RAB38: variants seen among roughly 807,000 people sequenced by gnomAD.
RAB38 encodes the protein RAB38, member RAS oncogene family.
A neutral mutation model predicts 18.4 loss-of-function variants in RAB38; 15 were observed. The ratio of observed to expected loss-of-function variants is 0.82; its 90% CI spans 0.55 to 1.26. The LOEUF (loss-of-function observed/expected upper bound fraction) is 1.26. RAB38 is among the 50% of genes most tolerant of loss of function. The probability of loss-of-function intolerance (pLI) is 0.00; values close to 1 mark genes in which losing one functional copy is unlikely to be tolerated. For synonymous variants in RAB38, 101 were observed against 104.4 expected, an observed-to-expected ratio of 0.97 and a Z score of 0.20; for missense variants, 294 against 267.4, an observed-to-expected ratio of 1.10 and a Z score of -0.69.
chr11:87,918,526 A>G, the RAB38 span, among the ~76,000 whole-genome samples: 1 of 152,054 alleles, frequency 6.6e-6, no homozygotes, highest in Non-Finnish European at 1.5e-5. Context: ...TTTTCTCCAT[A>G]TCTTTGCCAA....
At chr11:87,855,430 A>G in the RAB38 span, among the ~76,000 whole-genome samples, 1 of 152,192 alleles carries the variant, frequency 6.6e-6, no homozygotes, top group Non-Finnish European at 1.5e-5. Context: ...ATATCAACTC[A>G]GAACAGTGGC....
the RAB38 span, among the ~76,000 whole-genome samples, chr11:87,973,100 A>C: frequency 3.3e-5 from 5 of 152,016 alleles, no homozygotes; most frequent in African/African-American, 4.8e-5. Context: ...TGATCCAATT[A>C]AACTTCTTTT....
chr11:87,946,666 T>C, the RAB38 span, among the ~76,000 whole-genome samples: 14 of 152,284 alleles, frequency 9.2e-5, no homozygotes, highest in African/African-American at 3.1e-4. Context: ...TTGCAATAGT[T>C]TGCTGAGAAT....
At chr11:87,857,135 T>G in the RAB38 span, among the ~76,000 whole-genome samples, 1 of 152,150 alleles carries the variant, frequency 6.6e-6, no homozygotes, top group Non-Finnish European at 1.5e-5. Flanking sequence ...GTCCTTGTGA[T>G]AGTTTGCTGA....
the RAB38 span, among the ~76,000 whole-genome samples, chr11:87,924,871 G>C: frequency 6.6e-6 from 1 of 151,970 alleles, no homozygotes; most frequent in Non-Finnish European, 1.5e-5. Context: ...ATACAAATGT[G>C]TGTTGTGTGT....
the RAB38 span, among the ~76,000 whole-genome samples, chr11:87,945,003 G>A: frequency 6.6e-6 from 1 of 151,994 alleles, no homozygotes; most frequent in African/African-American, 2.4e-5. Context: ...TCTTCTTTTG[G>A]AGCAATGGAT....
chr11:88,015,258 C>T, the RAB38 span, among the ~76,000 whole-genome samples: 2 of 152,238 alleles, frequency 1.3e-5, no homozygotes, highest in South Asian at 2.1e-4. Context: ...GGTTCTCAAA[C>T]GTGCTGAGTA....
At chr11:88,065,133 T>G in the RAB38 span, among the ~76,000 whole-genome samples, 2 of 152,198 alleles carry the variant, frequency 1.3e-5, no homozygotes, top group East Asian at 3.8e-4. Flanking sequence ...GATCCAAATA[T>G]GAAGGGAAAG....
the RAB38 span, among the ~76,000 whole-genome samples, chr11:88,040,382 C>T: frequency 2.6e-5 from 4 of 152,106 alleles, no homozygotes; most frequent in African/African-American, 9.7e-5. Context: ...TTATGGTTCA[C>T]TCTACTGACC....
the RAB38 span, among the ~76,000 whole-genome samples, chr11:88,071,382 A>C: frequency 6.6e-6 from 1 of 152,106 alleles, no homozygotes; most frequent in African/African-American, 2.4e-5. Flanking sequence ...GCCCAGCAAG[A>C]TCTACTGTTT....
At chr11:87,832,409 G>GA in the RAB38 span, among the ~76,000 whole-genome samples, 3 of 152,116 alleles carry the variant, frequency 2.0e-5, no homozygotes, top group African/African-American at 7.2e-5. Context: ...CTGTGCTCCT[G>GA]GTTTCACAAG....
At chr11:88,061,032 A>C in the RAB38 span, among the ~76,000 whole-genome samples, 1 of 152,218 alleles carries the variant, frequency 6.6e-6, no homozygotes, top group African/African-American at 2.4e-5. Flanking sequence ...TGAGGAAATT[A>C]TTAATGAACT....
intron 2 of RAB38, among the ~76,000 whole-genome samples, chr11:88,114,648 A>G (rs1403836042): frequency 6.6e-6 from 1 of 152,206 alleles, no homozygotes; most frequent in African/African-American, 2.4e-5. Context: ...CTTTGAACTT[A>G]GCCATGGACA....
the RAB38 span, among the ~76,000 whole-genome samples, chr11:88,094,875 T>A: frequency 6.6e-6 from 1 of 151,954 alleles, no homozygotes; most frequent in Non-Finnish European, 1.5e-5. Context: ...ATTTCACACC[T>A]TTTCATTTAT....
chr11:88,143,222 CT>C (rs1175524511), intron 2 of RAB38, among the ~76,000 whole-genome samples: 1 of 152,156 alleles, frequency 6.6e-6, no homozygotes, highest in Non-Finnish European at 1.5e-5. Context: ...AGTAACAGTA[CT>C]TACTGTATAA....
the RAB38 span, among the ~76,000 whole-genome samples, chr11:87,840,029 A>C: frequency 6.6e-6 from 1 of 152,208 alleles, no homozygotes; most frequent in East Asian, 1.9e-4. Context: ...ATGTAATGTC[A>C]TTAGTGAAAC....
At chr11:88,045,341 T>C in the RAB38 span, among the ~76,000 whole-genome samples, 1 of 152,216 alleles carries the variant, frequency 6.6e-6, no homozygotes, top group Non-Finnish European at 1.5e-5. Flanking sequence ...ATTTCTGAGT[T>C]GCAATTCCTT....
chr11:88,084,146 G>A, the RAB38 span, among the ~76,000 whole-genome samples: 1 of 151,818 alleles, frequency 6.6e-6, no homozygotes, highest in African/African-American at 2.4e-5. Context: ...GAGTAATAAT[G>A]TGTGTGACAA....
At chr11:87,961,753 C>CTT in the RAB38 span, among the ~76,000 whole-genome samples, 1 of 152,160 alleles carries the variant, frequency 6.6e-6, no homozygotes, top group East Asian at 1.9e-4. Flanking sequence ...TGTTGGGTAG[C>CTT]CACAGACCAA....
Sources: gnomAD v4.1 joint callset for allele counts (sites outside exome capture counted in the v4.1 genomes callset) on GRCh38, gnomAD v4.1.1 for gene constraint, MANE v1.5 for transcripts, NCBI Gene and HGNC (gene_info 2026-07-23, HGNC 2026-07-21) for gene names.